Variants in GNAO1 observed in about 807,000 individuals in gnomAD.
The protein encoded by GNAO1 is guanine nucleotide-binding protein G(o) subunit alpha.
For synonymous variants in GNAO1, 164 were observed against 180.7 expected, an observed-to-expected ratio of 0.91 and a Z score of 0.74; for missense variants, 166 against 478.7, an observed-to-expected ratio of 0.35 and a Z score of 6.10.
chr16:56,330,534 TC>T (rs2037678551), intron 4 of GNAO1, among the ~76,000 whole-genome samples: 2 of 152,000 alleles, frequency 1.3e-5, no homozygotes, highest in South Asian at 4.2e-4. Context: ...ATCTTCCTAC[TC>T]CCCCCACCAG....
At chr16:56,196,534 A>C (rs991119720) in intron 2 of GNAO1, among the ~76,000 whole-genome samples, 2 of 152,228 alleles carry the variant, frequency 1.3e-5, no homozygotes, top group Non-Finnish European at 2.9e-5. Context: ...AGTTCTGAAC[A>C]AATAGTGACA....
chr16:56,192,576 G>T lies in GNAO1; in HGVS notation c.121G>T (p.Ala41Ser), dbSNP rs2036187623. The change falls in exon 2 of 9, where the codon GCT becomes TCT. Residue 41 changes from alanine to serine, a missense_variant and splice_region_variant. Transcript: ENST00000262493. ...AKDVKLLLLG[A>S]GESGKSTIVK... Reference sequence around the variant, plus strand: ...CCCCACTGTCTGTGTCCCAACAGGGGCTGGAGAATCAGGAAAAAGCACCAT... The same window carrying T: ...CCCCACTGTCTGTGTCCCAACAGGGTCTGGAGAATCAGGAAAAAGCACCAT... 1 of 1,600,558 alleles carries T rather than the reference G, an allele frequency of 6.2e-7. No individual in the cohort carries two copies. Among genetic ancestry groups the T allele is most frequent in the African/African-American group, 1.3e-5 (1 of 74,180 alleles).
At chr16:56,324,567 T>A (rs1036435053) in intron 3 of GNAO1, among the ~76,000 whole-genome samples, 1 of 152,230 alleles carries the variant, frequency 6.6e-6, no homozygotes, top group Non-Finnish European at 1.5e-5. Flanking sequence ...GGCCTTGCAC[T>A]GTTTTTAGCC....
chr16:56,321,374 C>A (rs1222749627), intron 3 of GNAO1, among the ~76,000 whole-genome samples: 1 of 152,216 alleles, frequency 6.6e-6, no homozygotes, highest in Non-Finnish European at 1.5e-5. Flanking sequence ...TCCCTCTCAG[C>A]TCTGCTTTCC....
chr16:56,301,670 C>T (rs946322373), intron 3 of GNAO1: 1 of 152,052 alleles, frequency 6.6e-6, no homozygotes, highest in African/African-American at 2.4e-5. Flanking sequence ...AAAACCCTGA[C>T]GTGTGCTTGT....
chr16:56,328,934 G>T (rs1188570340), intron 4 of GNAO1, 143 bp downstream of exon 4: 4 of 769,608 alleles, frequency 5.2e-6, no homozygotes, highest in Non-Finnish European at 8.3e-6. Flanking sequence ...GGTAGAGGGT[G>T]TCAGGAAGGA....
At position 56,351,306 on chromosome 16, in the gene GNAO1, A is replaced by C; in HGVS notation, c.724-78A>C. The C allele has an allele frequency of 6.0e-4, 509 of 853,276 alleles. No homozygotes were observed. Among genetic ancestry groups the C allele is most frequent in the Non-Finnish European group, 8.7e-4 (460 of 525,764 alleles). The allele number at this position is 853,276 out of a possible 1,614,324, so 52.9% of individuals were successfully genotyped here. On this transcript the variant is annotated intron_variant, in intron 6 of 8. Transcript: ENST00000262493. The surrounding 1 kb of genome is among the most constrained non-coding windows in gnomAD (Gnocchi z 6.1). Reference sequence around the variant, plus strand: ...AGCCCAGTCCCTCTCTGTCAAGCCTAATTCTCTCCTTCTCTTTCCCTGTCT... The same window carrying C: ...AGCCCAGTCCCTCTCTGTCAAGCCTCATTCTCTCCTTCTCTTTCCCTGTCT...
At chr16:56,260,217 C>T (rs1015243867) in intron 2 of GNAO1, among the ~76,000 whole-genome samples, 6 of 152,186 alleles carry the variant, frequency 3.9e-5, no homozygotes, top group Admixed American at 3.3e-4. Flanking sequence ...TCTCCCAGGC[C>T]CAGCTCTCGC....
chr16:56,275,214 AG>A (rs2037051407), intron 2 of GNAO1, among the ~76,000 whole-genome samples: 1 of 152,222 alleles, frequency 6.6e-6, no homozygotes, highest in African/African-American at 2.4e-5. Flanking sequence ...TTTTGGCGTG[AG>A]CCCCTCCTTC....
At chr16:56,310,458 T>C (rs2037445301) in intron 3 of GNAO1, among the ~76,000 whole-genome samples, 1 of 152,168 alleles carries the variant, frequency 6.6e-6, no homozygotes, top group Admixed American at 6.5e-5. Flanking sequence ...ATTATGCGAG[T>C]AACTGAGGCT....
chr16:56,217,586 G>A (rs1308346909), intron 2 of GNAO1, among the ~76,000 whole-genome samples: 4 of 152,188 alleles, frequency 2.6e-5, no homozygotes, highest in African/African-American at 7.2e-5. Context: ...ATGAGTGTTT[G>A]TGAGGCCCTG....
chr16:56,278,758 G>A lies in GNAO1; in HGVS notation c.303+2686G>A, dbSNP rs144091781. On this transcript the variant is annotated intron_variant, in intron 3 of 8. Transcript: ENST00000262493. ...GGGTAGGAGGAGCAGATAATTCAGA[G>A]TGGGAGGACGAGGGGACAGAAAGTT... 1.8e-3 allele frequency among the ~76,000 whole-genome samples: 275 copies of A among 152,290 alleles called. 1 individual carries two copies. Among genetic ancestry groups the A allele is most frequent in the African/African-American group, 6.5e-3 (269 of 41,552 alleles).
intron 2 of GNAO1, among the ~76,000 whole-genome samples, chr16:56,206,956 A>G (rs553733682): frequency 6.6e-6 from 1 of 152,344 alleles, no homozygotes; most frequent in South Asian, 2.1e-4. Context: ...CTTTTCCTTC[A>G]AAACTGGTTT....
At chr16:56,239,729 C>G (rs1470091487) in intron 2 of GNAO1, among the ~76,000 whole-genome samples, 1 of 152,200 alleles carries the variant, frequency 6.6e-6, no homozygotes, top group Non-Finnish European at 1.5e-5. Context: ...GCAACCACTT[C>G]ACATAATCCA....
intron 2 of GNAO1, among the ~76,000 whole-genome samples, chr16:56,214,240 C>T (rs1206281950): frequency 6.6e-6 from 1 of 152,178 alleles, no homozygotes; most frequent in African/African-American, 2.4e-5. Context: ...CCTAGCTCTG[C>T]ATCTGCTCTC....
intron 2 of GNAO1, among the ~76,000 whole-genome samples, chr16:56,231,147 T>C (rs1237262129): frequency 3.3e-5 from 5 of 152,142 alleles, no homozygotes; most frequent in African/African-American, 1.2e-4. Context: ...GGCTTATGCT[T>C]TATGTGAAAG....
At position 56,337,972 on chromosome 16, in the gene GNAO1, G is replaced by A. The variant is rs78709860; in HGVS notation, c.723+1112G>A. On this transcript the variant is annotated intron_variant, in intron 6 of 8. Transcript: ENST00000262493. ...CCCCACGCCTCTGAAGGCTGGCACC[G>A]AGGGTTTGAGGTTGGAGGTGGGGCT... Among the ~76,000 whole-genome samples the A allele has an allele frequency of 4.2e-3, 642 of 152,312 alleles. 5 individuals carry two copies. The highest frequency in any genetic ancestry group is 0.014 in the African/African-American group (585 of 41,558).
intron 2 of GNAO1, among the ~76,000 whole-genome samples, chr16:56,250,149 G>A (rs1443157152): frequency 6.6e-6 from 1 of 152,214 alleles, no homozygotes; most frequent in Non-Finnish European, 1.5e-5. Context: ...AGGCACAGAA[G>A]CATGAAGATA....
intron 3 of GNAO1, among the ~76,000 whole-genome samples, chr16:56,314,291 G>A (rs897215552): frequency 5.3e-5 from 8 of 152,062 alleles, no homozygotes; most frequent in East Asian, 1.9e-4. Context: ...CTTTGAAATC[G>A]TGGCTCACTG....
Sources: gnomAD v4.1 joint callset for allele counts (sites outside exome capture counted in the v4.1 genomes callset) on GRCh38, gnomAD v4.1.1 for gene constraint, Gnocchi (gnomAD v3.1) non-coding constraint, MANE v1.5 for transcripts, NCBI Gene and HGNC (gene_info 2026-07-23, HGNC 2026-07-21) for gene names.